DNAJC6: variants seen among roughly 807,000 people sequenced by gnomAD.
DNAJC6 encodes the protein auxilin.
Under a neutral mutation model 110.0 loss-of-function variants are expected in DNAJC6, and 34 were observed. The ratio of observed to expected loss-of-function variants is 0.31; its 90% CI spans 0.24 to 0.41. The LOEUF (loss-of-function observed/expected upper bound fraction) is 0.41. Among genes scored for constraint, DNAJC6 ranks in the 10% least tolerant of loss-of-function variants. DNAJC6 has a pLI of 1.00. For missense variants in DNAJC6, 1,031 were observed against 1,207.8 expected (o/e 0.85, Z 2.17); for synonymous variants, 406 against 437.2 (o/e 0.93, Z 0.89).
chr1:65,330,200 C>A (rs371741728), intron 1 of DNAJC6, among the ~76,000 whole-genome samples: 2 of 152,270 alleles, frequency 1.3e-5, no homozygotes, highest in Admixed American at 6.5e-5. Context: ...CTCCAGCTGG[C>A]CTGTGTGCCT....
Position 65,414,784 on chromosome 1 carries a change from T to C in DNAJC6, c.*1759T>C, listed in dbSNP as rs112287683. ...CAGTATGTGCTTGTCTTATTTAAAA[T>C]TGGAATGTGAGACATGTTGCTGTGA... On this transcript the variant is annotated 3_prime_UTR_variant, in exon 19 of 19. Transcript: ENST00000371069. 1 of 152,684 alleles carries C rather than the reference T, an allele frequency of 6.5e-6. No homozygotes were observed. Among genetic ancestry groups the C allele is most frequent in the Non-Finnish European group, 1.5e-5 (1 of 68,048 alleles). 9.5% of individuals were successfully genotyped at this position (152,684 alleles called of 1,614,324 possible). A position where few individuals can be genotyped will look rare whatever the true frequency, so the allele number is the denominator to read the frequency against.
intron 8 of DNAJC6, 32 bp from the exon 9 acceptor site, chr1:65,388,304 G>A: frequency 6.3e-7 from 1 of 1,582,918 alleles, no homozygotes; most frequent in Non-Finnish European, 8.7e-7. Flanking sequence ...TTCGCTGATT[G>A]ATTGTAATGT....
At chr1:65,384,604 A>G (rs1270506671) in intron 6 of DNAJC6, among the ~76,000 whole-genome samples, 1 of 152,170 alleles carries the variant, frequency 6.6e-6, no homozygotes, top group African/African-American at 2.4e-5. Context: ...CGGGGAAGAG[A>G]GCGTGTGCAG....
chr1:65,289,720 A>G (rs972216005), intron 1 of DNAJC6, among the ~76,000 whole-genome samples: 9 of 151,932 alleles, frequency 5.9e-5, no homozygotes, highest in East Asian at 5.8e-4. Context: ...GGTCTATGCT[A>G]TTTTGTTACA....
At chr1:65,316,870 T>C (rs1276606548) in intron 1 of DNAJC6, among the ~76,000 whole-genome samples, 2 of 152,094 alleles carry the variant, frequency 1.3e-5, no homozygotes, top group African/African-American at 4.8e-5. Context: ...TACCAAAAGA[T>C]TGTGCTTTTT....
chr1:65,319,028 A>C (rs1645172982), intron 1 of DNAJC6, among the ~76,000 whole-genome samples: 1 of 152,152 alleles, frequency 6.6e-6, no homozygotes, highest in African/African-American at 2.4e-5. Flanking sequence ...CGAAGGCCCT[A>C]GCCAGGGCAG....
chr1:65,265,785 G>T (rs1265107310), intron 1 of DNAJC6, among the ~76,000 whole-genome samples: 1 of 152,226 alleles, frequency 6.6e-6, no homozygotes, highest in South Asian at 2.1e-4. Flanking sequence ...CCTTCCTATT[G>T]CGCTGGTCGT....
At chr1:65,411,823 T>C (rs1468641426) in intron 18 of DNAJC6, among the ~76,000 whole-genome samples, 1 of 151,468 alleles carries the variant, frequency 6.6e-6, no homozygotes, top group African/African-American at 2.4e-5. Context: ...AATAAAAAAA[T>C]TAGCTGGTGT....
chr1:65,319,433 G>A (rs1199120760), intron 1 of DNAJC6, among the ~76,000 whole-genome samples: 1 of 152,146 alleles, frequency 6.6e-6, no homozygotes, highest in Non-Finnish European at 1.5e-5. Flanking sequence ...AAGCTCTGTG[G>A]CTCTGGGCTG....
intron 1 of DNAJC6, among the ~76,000 whole-genome samples, chr1:65,323,791 A>G (rs142547960): frequency 1.4e-3 from 216 of 152,016 alleles, no homozygotes; most frequent in African/African-American, 5.1e-3. Context: ...AGGTTCTACT[A>G]TGTTGCCCAG....
At chr1:65,355,264 C>CAAAAAAA (rs58338708) in intron 1 of DNAJC6, among the ~76,000 whole-genome samples, 12 of 84,206 alleles carry the variant, frequency 1.4e-4, no homozygotes, top group African/African-American at 1.9e-4. Flanking sequence ...CACCCTGTCT[C>CAAAAAAA]AAAAAAAAAA....
chr1:65,267,897 TG>T (rs1653389102), intron 1 of DNAJC6, among the ~76,000 whole-genome samples: 2 of 151,704 alleles, frequency 1.3e-5, no homozygotes, highest in Non-Finnish European at 2.9e-5. Flanking sequence ...TGTGTGTGTG[TG>T]TGTGTGTGTG....
rs1553149287 is a variant in DNAJC6 at position 65,415,485 on chromosome 1, CAT to C, written c.*2461_*2462del. 12 of 151,534 alleles carry C rather than the reference CAT, an allele frequency of 7.9e-5. No individual in the cohort carries two copies. The highest frequency in any genetic ancestry group is 1.3e-4 in the Non-Finnish European group (9 of 67,924). The allele number at this position is 151,534 out of a possible 1,614,324, so 9.4% of individuals were successfully genotyped here. A position where few individuals can be genotyped will look rare whatever the true frequency, so the allele number is the denominator to read the frequency against. On this transcript the variant is annotated 3_prime_UTR_variant, in exon 19 of 19. Transcript: ENST00000371069. ...ACACACACACACACACACACACACA[CAT>C]GCACGCACACATGATTTTGATTATG... is the stretch of plus-strand genomic sequence containing the variant.
At position 65,378,035 on chromosome 1, in the gene DNAJC6, T is replaced by G. The variant is rs139632376; in HGVS notation, c.544-1367T>G. ...ACACTCTTCAGTACACCCCTCCACA[T>G]GCACACACTGCCACCATGTATCACC... is the stretch of plus-strand genomic sequence containing the variant. On this transcript the variant is annotated intron_variant, in intron 4 of 18. Coordinates refer to ENST00000371069, the MANE Select transcript of DNAJC6 (RefSeq NM_001256864.2). Among the ~76,000 whole-genome samples the G allele has an allele frequency of 1.8e-3, 272 of 152,258 alleles. 2 individuals are homozygous for G. Among genetic ancestry groups the G allele is most frequent in the African/African-American group, 6.3e-3 (261 of 41,544 alleles).
At chr1:65,307,741 T>A (rs1286488112), upstream of DNAJC6, among the ~76,000 whole-genome samples, 3 of 152,234 alleles carry the variant, frequency 2.0e-5, no homozygotes, top group Non-Finnish European at 4.4e-5. Flanking sequence ...CTTCACAGAA[T>A]TATTACTTTA....
intron 1 of DNAJC6, among the ~76,000 whole-genome samples, chr1:65,303,433 T>C (rs1238630089): frequency 6.6e-6 from 1 of 152,260 alleles, no homozygotes; most frequent in Admixed American, 6.5e-5. Flanking sequence ...TAGTATGTCA[T>C]ACTTTCTTTA....
At chr1:65,358,686 A>G (rs1389122120) in intron 1 of DNAJC6, among the ~76,000 whole-genome samples, 1 of 152,204 alleles carries the variant, frequency 6.6e-6, no homozygotes, top group Non-Finnish European at 1.5e-5. Flanking sequence ...AGCCTTTGCC[A>G]TGCCCTTCTG....
intron 14 of DNAJC6, among the ~76,000 whole-genome samples, chr1:65,399,348 G>A (rs573255927): frequency 6.6e-6 from 1 of 152,154 alleles, no homozygotes; most frequent in East Asian, 1.9e-4. Flanking sequence ...CTTACTTCAG[G>A]GTGGGATTTG....
chr1:65,407,676 G>A (rs1646090136), intron 16 of DNAJC6, among the ~76,000 whole-genome samples: 2 of 152,324 alleles, frequency 1.3e-5, no homozygotes, highest in Middle Eastern at 6.8e-3. Flanking sequence ...GTAGATAGAT[G>A]TGGGGCGAGT....
Sources: gnomAD v4.1 joint callset for allele counts (sites outside exome capture counted in the v4.1 genomes callset) on GRCh38, gnomAD v4.1.1 for gene constraint, MANE v1.5 for transcripts, NCBI Gene and HGNC (gene_info 2026-07-23, HGNC 2026-07-21) for gene names.